PLEKHA7: variants seen among roughly 807,000 people sequenced by gnomAD.
The protein encoded by PLEKHA7 is pleckstrin homology domain-containing family A member 7.
Under a neutral mutation model 170.0 loss-of-function variants are expected in PLEKHA7, and 104 were observed. The observed-to-expected ratio is 0.61, with a 90% CI of 0.52 to 0.72. The LOEUF (loss-of-function observed/expected upper bound fraction) is 0.72. Ranked by LOEUF, PLEKHA7 falls within the 30% of genes least tolerant of loss-of-function variation. The pLI, the probability that PLEKHA7 is intolerant of heterozygous loss-of-function variation, is 0.00. For synonymous variants in PLEKHA7, 648 were observed against 660.8 expected, an observed-to-expected ratio of 0.98 and a Z score of 0.30; for missense variants, 1,615 against 1,671.7, an observed-to-expected ratio of 0.97 and a Z score of 0.59.
chr11:16,982,351 G>C (rs4757469), intron 3 of PLEKHA7, among the ~76,000 whole-genome samples: 150,670 of 152,344 alleles, frequency 0.99, 74,530 homozygotes, highest in East Asian at 1. Flanking sequence ...AGCTTGAGGC[G>C]AGCCAGTTGC....
rs185766662 is a variant in PLEKHA7 at position 16,841,416 on chromosome 11, G to T, written c.872+131C>A. 916 of 1,035,900 alleles carry T rather than the reference G, an allele frequency of 8.8e-4. 8 individuals carry two copies. In the Middle Eastern group the frequency reaches 0.01, roughly 12 times the overall value. The allele number at this position is 1,035,900 out of a possible 1,614,324, so 64.2% of individuals were successfully genotyped here. A position where few individuals can be genotyped will look rare whatever the true frequency, so the allele number is the denominator to read the frequency against. On this transcript the variant is annotated intron_variant, in intron 9 of 26. Transcript: ENST00000531066. ...GGCCTTAGTGTTTTTGTTTAATGAAGAAAGTTTATAAAGAGAGGGCAATGC... is the reference window on the plus strand; with the variant it reads ...GGCCTTAGTGTTTTTGTTTAATGAATAAAGTTTATAAAGAGAGGGCAATGC...
At chr11:16,956,638 T>C (rs1055291567) in intron 3 of PLEKHA7, among the ~76,000 whole-genome samples, 5 of 152,202 alleles carry the variant, frequency 3.3e-5, no homozygotes, top group African/African-American at 4.8e-5. Flanking sequence ...TCCAGGTCTG[T>C]GACAGGGATA....
At chr11:16,947,242 G>A (rs989299538) in intron 3 of PLEKHA7, among the ~76,000 whole-genome samples, 4 of 152,178 alleles carry the variant, frequency 2.6e-5, no homozygotes, top group Admixed American at 6.5e-5. Context: ...CACTGTTGGT[G>A]GGAATGTAAA....
At chr11:16,991,332 G>T (rs1161367008) in intron 3 of PLEKHA7, among the ~76,000 whole-genome samples, 1 of 152,170 alleles carries the variant, frequency 6.6e-6, no homozygotes, top group Non-Finnish European at 1.5e-5. Context: ...GTACAGCCTT[G>T]AACAAGACAG....
In PLEKHA7 at chr11:16,790,855, G is replaced by C. The variant is rs1032774143; in HGVS notation, c.2995C>G (p.Gln999Glu). Residue 999 changes from glutamine to glutamate, a missense_variant, in exon 21 of 27, where the codon CAG becomes GAG. Gln to Glu is a conservative substitution (Grantham distance 29, BLOSUM62 2). Coordinates refer to ENST00000531066, the MANE Select transcript of PLEKHA7 (RefSeq NM_001329630.2). ...ELATLSGDMA[Q>E]PSLGLVGPES... ...GGGCCCACAAGTCCTAGGGAGGGCTGGGCCATGTCCCCGCTGAGGGTCGCC... is the reference window on the plus strand; with the variant it reads ...GGGCCCACAAGTCCTAGGGAGGGCTCGGCCATGTCCCCGCTGAGGGTCGCC... The C allele has an allele frequency of 6.2e-7, 1 of 1,610,720 alleles. No homozygotes were observed. The highest frequency in any genetic ancestry group is 8.5e-7 in the Non-Finnish European group (1 of 1,178,622).
At chr11:16,838,693 C>CTTTTTTTTT (rs869209891) in intron 9 of PLEKHA7, among the ~76,000 whole-genome samples, 18 of 107,840 alleles carry the variant, frequency 1.7e-4, no homozygotes, top group East Asian at 2.8e-4. Flanking sequence ...ACACAGTTTT[C>CTTTTTTTTT]TTTTTTTTTT....
chr11:16,836,804 T>G (rs555975913), intron 9 of PLEKHA7, among the ~76,000 whole-genome samples: 26 of 107,940 alleles, frequency 2.4e-4, no homozygotes, highest in African/African-American at 1.0e-3. Context: ...GGCTTTTTTT[T>G]TTTGTTTTTT....
chr11:16,867,798 C>T (rs1336970190), intron 4 of PLEKHA7, among the ~76,000 whole-genome samples: 2 of 152,142 alleles, frequency 1.3e-5, no homozygotes, highest in African/African-American at 4.8e-5. Flanking sequence ...GACACACTCT[C>T]CTCAGCTGTG....
chr11:16,821,830 C>G (rs1258302057), intron 10 of PLEKHA7, among the ~76,000 whole-genome samples: 1 of 152,142 alleles, frequency 6.6e-6, no homozygotes, highest in Non-Finnish European at 1.5e-5. Flanking sequence ...TCTGTTCTGT[C>G]TTCTGCCTTC....
In PLEKHA7 at chr11:17,013,887, C is replaced by T. The variant is rs1865481781; in HGVS notation, c.221+102G>A. 1.2e-5 allele frequency: 16 copies of T among 1,304,464 alleles called. No individual in the cohort carries two copies. In the East Asian group the frequency reaches 3.1e-4, roughly 25 times the overall value. The allele number at this position is 1,304,464 out of a possible 1,614,324, so 80.8% of individuals were successfully genotyped here. A position where few individuals can be genotyped will look rare whatever the true frequency, so the allele number is the denominator to read the frequency against. On this transcript the variant is annotated intron_variant, in intron 3 of 26. Coordinates refer to ENST00000531066, the MANE Select transcript of PLEKHA7 (RefSeq NM_001329630.2). Reference sequence around the variant, plus strand: ...CGCGGCGCAGCGCGCGCCAACGAGCCCGGGCCGGCGGGAGCAGAGGAAGGG... The same window carrying T: ...CGCGGCGCAGCGCGCGCCAACGAGCTCGGGCCGGCGGGAGCAGAGGAAGGG...
chr11:16,791,127 G>A lies in PLEKHA7; in HGVS notation c.2818C>T (p.Pro940Ser). The A allele has an allele frequency of 1.2e-6, 2 of 1,614,096 alleles. No individual in the cohort carries two copies. ...ATGATGGTGGCCTCTCTTGGCAGAG[G>A]CGGCACAGCCGGGGGCTGGTCCTCT... Reference protein sequence around the residue: ...SPEDQPPAVPPLPREATIIRH... With the variant: ...SPEDQPPAVPSLPREATIIRH... The change falls in exon 20 of 27, where the codon CCT becomes TCT. Residue 940 changes from proline to serine, a missense_variant. Transcript: ENST00000531066. This position sits in a 1 kb window ranked among gnomAD's most constrained non-coding sequence, Gnocchi z 4.5.
At chr11:16,996,901 A>G (rs1481428292) in intron 3 of PLEKHA7, among the ~76,000 whole-genome samples, 2 of 151,594 alleles carry the variant, frequency 1.3e-5, no homozygotes, top group Admixed American at 6.6e-5. Context: ...GTGCCACTGC[A>G]CTCCAGCCTG....
chr11:16,845,636 A>C (rs772790234), intron 8 of PLEKHA7, among the ~76,000 whole-genome samples: 6 of 152,136 alleles, frequency 3.9e-5, no homozygotes, highest in Non-Finnish European at 8.8e-5. Context: ...CAAAGTGCTG[A>C]AATTACAGGC....
chr11:16,882,134 G>A (rs1855760305), intron 3 of PLEKHA7, among the ~76,000 whole-genome samples: 2 of 152,178 alleles, frequency 1.3e-5, no homozygotes, highest in Admixed American at 1.3e-4. Flanking sequence ...GCTTAGCATA[G>A]TGCCTGGCAC....
chr11:16,806,932 A>T (rs1849031622), intron 13 of PLEKHA7, among the ~76,000 whole-genome samples: 1 of 152,204 alleles, frequency 6.6e-6, no homozygotes, highest in African/African-American at 2.4e-5. Context: ...AGCACAAAAC[A>T]TGGAGTCACA....
chr11:16,854,235 G>C (rs903476803), intron 6 of PLEKHA7, among the ~76,000 whole-genome samples: 17 of 152,234 alleles, frequency 1.1e-4, no homozygotes, highest in African/African-American at 4.1e-4. Flanking sequence ...ACCCCAGGCA[G>C]GTCAACTGGC....
chr11:16,907,952 CTG>C (rs1396688087), intron 3 of PLEKHA7, among the ~76,000 whole-genome samples: 10 of 149,074 alleles, frequency 6.7e-5, no homozygotes, highest in African/African-American at 2.5e-4. Flanking sequence ...TCCTGTTGAT[CTG>C]TGACCTTACC....
chr11:16,901,777 G>A (rs1050575478), intron 3 of PLEKHA7, among the ~76,000 whole-genome samples: 3 of 152,168 alleles, frequency 2.0e-5, no homozygotes, highest in Admixed American at 2.0e-4. Flanking sequence ...AGGCTGAGGT[G>A]GGAGGATGGT....
intron 3 of PLEKHA7, among the ~76,000 whole-genome samples, chr11:16,901,494 A>G (rs1328470701): frequency 6.6e-6 from 1 of 152,212 alleles, no homozygotes; most frequent in Non-Finnish European, 1.5e-5. Flanking sequence ...TATCCTTCCC[A>G]ATATGTCTTT....
Sources: allele counts gnomAD v4.1 joint callset (sites outside exome capture counted in the v4.1 genomes callset), GRCh38; gene constraint gnomAD v4.1.1; non-coding constraint Gnocchi (gnomAD v3.1); transcripts MANE v1.5; gene names NCBI Gene and HGNC (gene_info 2026-07-23, HGNC 2026-07-21).